Variants in PDE4D observed in about 807,000 individuals in gnomAD.
PDE4D encodes 3',5'-cyclic-AMP phosphodiesterase 4D.
A neutral mutation model predicts 87.4 loss-of-function variants in PDE4D; 24 were observed. The ratio of observed to expected loss-of-function variants is 0.27; its 90% CI spans 0.20 to 0.39. The LOEUF (loss-of-function observed/expected upper bound fraction) is 0.39. Among genes scored for constraint, PDE4D ranks in the 10% least tolerant of loss-of-function variants. The pLI, the probability that PDE4D is intolerant of heterozygous loss-of-function variation, is 1.00. For missense variants in PDE4D, 714 were observed against 1,041.0 expected (o/e 0.69, Z 4.32); for synonymous variants, 384 against 383.2 (o/e 1.00, Z -0.02).
intron 3 of PDE4D, among the ~76,000 whole-genome samples, chr5:59,918,295 A>G (rs1754294485): frequency 2.6e-5 from 4 of 152,182 alleles, no homozygotes; most frequent in Admixed American, 2.6e-4. Context: ...TGCAATAGTT[A>G]AATGTCATTC....
intron 1 of PDE4D, among the ~76,000 whole-genome samples, chr5:59,706,693 C>T (rs1753454858): frequency 6.6e-6 from 1 of 152,036 alleles, no homozygotes. Flanking sequence ...TAGGACATAA[C>T]CCATATTTAT....
chr5:59,727,511 A>C (rs924040599), intron 1 of PDE4D, among the ~76,000 whole-genome samples: 14 of 152,110 alleles, frequency 9.2e-5, no homozygotes, highest in African/African-American at 3.4e-4. Flanking sequence ...AGGAGTAAAA[A>C]TTTCTGGTCT....
chr5:58,999,573 A>G lies in PDE4D; in HGVS notation c.922-6108T>C, dbSNP rs1296716721. The G allele has an allele frequency of 7.0e-6, 8 of 1,143,980 alleles. No individual in the cohort carries two copies. The South Asian group carries it at 8.3e-5, about 12-fold the overall frequency. The allele number at this position is 1,143,980 out of a possible 1,614,324, so 70.9% of individuals were successfully genotyped here. Reference sequence around the variant, plus strand: ...TATATGTATATATATATATATGTATATATATAGTAAGCTCTAAAATGTATT... The same window carrying G: ...TATATGTATATATATATATATGTATGTATATAGTAAGCTCTAAAATGTATT... On this transcript the variant is annotated intron_variant, in intron 6 of 14. Coordinates refer to ENST00000340635, the MANE Select transcript of PDE4D (RefSeq NM_001104631.2).
intron 1 of PDE4D, among the ~76,000 whole-genome samples, chr5:60,257,553 T>C (rs1749222114): frequency 1.3e-5 from 2 of 152,012 alleles, no homozygotes; most frequent in South Asian, 2.1e-4. Flanking sequence ...TGAAGGCATT[T>C]AGCATTTAGT....
At chr5:60,441,514 G>A (rs1004374542) in intron 1 of PDE4D, among the ~76,000 whole-genome samples, 2 of 152,252 alleles carry the variant, frequency 1.3e-5, no homozygotes, top group Middle Eastern at 3.4e-3. Flanking sequence ...TACCATTGAG[G>A]ATATAGGCAT....
At chr5:60,408,222 G>C (rs111559969) in intron 1 of PDE4D, among the ~76,000 whole-genome samples, 10 of 152,142 alleles carry the variant, frequency 6.6e-5, no homozygotes, top group South Asian at 2.1e-4. Context: ...TTGACCTGTA[G>C]CTTCCTGCGT....
At chr5:59,324,625 A>G (rs1313890625) in intron 1 of PDE4D, among the ~76,000 whole-genome samples, 1 of 152,148 alleles carries the variant, frequency 6.6e-6, no homozygotes, top group Admixed American at 6.5e-5. Context: ...TGGACCTGTG[A>G]CAGACATCTC....
chr5:60,136,912 G>A (rs562215062), intron 2 of PDE4D, among the ~76,000 whole-genome samples: 1 of 152,006 alleles, frequency 6.6e-6, no homozygotes, highest in Non-Finnish European at 1.5e-5. Context: ...CATTACCCAG[G>A]TATTAAGCCC....
At chr5:58,990,759 T>G in intron 9 of PDE4D, 45 bp downstream of exon 9, 1 of 1,021,890 alleles carries the variant, frequency 9.8e-7, no homozygotes, top group Non-Finnish European at 1.5e-6. Flanking sequence ...GACTGGACAT[T>G]AAGTTCCTAA....
Position 60,430,043 on chromosome 5 carries a change from T to G in PDE4D, c.-90+57899A>C, listed in dbSNP as rs891952633. ...CGAACATGGATACAGTATGAGACGT[T>G]GCTTATTCCTTTGGCCCAGACAGCT... On this transcript the variant is annotated intron_variant, in intron 1 of 16. Transcript: ENST00000502484. The G allele has an allele frequency of 4.0e-5, 21 of 523,092 alleles. No individual in the cohort carries two copies. In the African/African-American group the frequency reaches 4.0e-4, roughly 10 times the overall value. 32.4% of individuals were successfully genotyped at this position (523,092 alleles called of 1,614,324 possible). A position where few individuals can be genotyped will look rare whatever the true frequency, so the allele number is the denominator to read the frequency against.
At chr5:59,684,411 A>G (rs942359664) in intron 1 of PDE4D, among the ~76,000 whole-genome samples, 2 of 152,170 alleles carry the variant, frequency 1.3e-5, no homozygotes, top group Non-Finnish European at 2.9e-5. Context: ...TTTTGAATAA[A>G]TGGATAACAA....
chr5:60,293,368 G>A (rs114798072), intron 1 of PDE4D, among the ~76,000 whole-genome samples: 2,587 of 151,896 alleles, frequency 0.017, 82 homozygotes, highest in African/African-American at 0.059. Context: ...CAAAAAATTC[G>A]CCTAGCATGG....
At chr5:59,939,568 T>C (rs1397579631) in intron 3 of PDE4D, among the ~76,000 whole-genome samples, 1 of 152,124 alleles carries the variant, frequency 6.6e-6, no homozygotes, top group African/African-American at 2.4e-5. Flanking sequence ...TGTGCTGAGG[T>C]GTCAGAGAAG....
intron 1 of PDE4D, among the ~76,000 whole-genome samples, chr5:59,345,341 T>G (rs1007207258): frequency 6.6e-6 from 1 of 152,110 alleles, no homozygotes; most frequent in Non-Finnish European, 1.5e-5. Context: ...AAGTACGACA[T>G]GGAAATTTTA....
intron 3 of PDE4D, among the ~76,000 whole-genome samples, chr5:59,984,796 C>T (rs1216189434): frequency 6.6e-6 from 1 of 152,116 alleles, no homozygotes; most frequent in African/African-American, 2.4e-5. Context: ...CACTGCCTGA[C>T]ACTTGACAAA....
intron 1 of PDE4D, among the ~76,000 whole-genome samples, chr5:60,343,340 G>C (rs111856324): frequency 6.6e-6 from 1 of 152,130 alleles, no homozygotes; most frequent in Non-Finnish European, 1.5e-5. Context: ...CCTGACCACA[G>C]CAGGGCCCGG....
intron 1 of PDE4D, among the ~76,000 whole-genome samples, chr5:59,506,365 C>A (rs1044105707): frequency 2.6e-5 from 4 of 151,594 alleles, no homozygotes; most frequent in African/African-American, 9.7e-5. Context: ...TTATTTTATA[C>A]CCTTAGTCTT....
chr5:59,412,688 C>T (rs1318818910), intron 1 of PDE4D, among the ~76,000 whole-genome samples: 1 of 152,096 alleles, frequency 6.6e-6, no homozygotes, highest in African/African-American at 2.4e-5. Context: ...GACTTGATCC[C>T]CTATACAAAT....
chr5:59,197,957 C>T (rs866304867), intron 2 of PDE4D, among the ~76,000 whole-genome samples: 12 of 152,238 alleles, frequency 7.9e-5, no homozygotes, highest in Non-Finnish European at 1.3e-4. Flanking sequence ...GCTTCCTAGG[C>T]CTACTTGGCT....
Sources: gnomAD v4.1 joint callset for allele counts (sites outside exome capture counted in the v4.1 genomes callset) on GRCh38, gnomAD v4.1.1 for gene constraint, MANE v1.5 for transcripts, NCBI Gene and HGNC (gene_info 2026-07-23, HGNC 2026-07-21) for gene names.